The following CCZ1 variants were observed in gnomAD, a reference collection of about 807,000 sequenced individuals.
CCZ1 encodes CCZ1 vacuolar protein trafficking and biogenesis associated, also known as vacuolar fusion protein CCZ1 homolog.
A neutral mutation model predicts 57.8 loss-of-function variants in CCZ1; 19 were observed. The ratio of observed to expected loss-of-function variants is 0.33; its 90% CI spans 0.23 to 0.48. The LOEUF is 0.48. Ranked by LOEUF, CCZ1 falls within the 20% of genes least tolerant of loss-of-function variation. CCZ1 has a pLI of 0.99. For missense variants in CCZ1, 200 were observed against 492.0 expected (o/e 0.41, Z 5.61); for synonymous variants, 81 against 167.0 (o/e 0.49, Z 3.97).
Position 5,902,631 on chromosome 7 carries a change from T to A in CCZ1, c.439-30T>A, listed in dbSNP as rs755678390. The A allele has an allele frequency of 2.6e-5, 41 of 1,559,394 alleles. 1 individual carries two copies. The highest frequency in any genetic ancestry group is 3.5e-5 in the Non-Finnish European group (41 of 1,165,196). ...GAAAAAGTGAGCATAGGAAACTGATTTTTTTTCCTGCAATCTTTTACCTCA... is the reference window on the plus strand; with the variant it reads ...GAAAAAGTGAGCATAGGAAACTGATATTTTTTCCTGCAATCTTTTACCTCA... On this transcript the variant is annotated intron_variant, in intron 5 of 14. Coordinates refer to ENST00000325974, the MANE Select transcript of CCZ1 (RefSeq NM_015622.6).
At chr7:5,901,747 C>A (rs772003974) in intron 5 of CCZ1, 43 bp downstream of exon 5, 3 of 1,593,634 alleles carry the variant, frequency 1.9e-6, no homozygotes, top group Non-Finnish European at 2.6e-6. Context: ...CAGCCACTTA[C>A]CCCTATCTCT....
intron 7 of CCZ1, 120 bp from the exon 8 acceptor site, chr7:5,909,915 T>C (rs1583186236): frequency 1.4e-6 from 1 of 708,330 alleles, no homozygotes; most frequent in East Asian, 2.7e-5. Flanking sequence ...AGTTAGAATT[T>C]ATTCTGTGTT....
In CCZ1 at chr7:5,905,092, A is replaced by T; in HGVS notation, c.523-2A>T. The T allele has an allele frequency of 6.3e-7, 1 of 1,599,428 alleles. No homozygotes were observed. The highest frequency in any genetic ancestry group is 8.5e-7 in the Non-Finnish European group (1 of 1,178,050). On this transcript the variant is annotated splice_acceptor_variant, in intron 6 of 14. Coordinates refer to ENST00000325974, the MANE Select transcript of CCZ1 (RefSeq NM_015622.6). LOFTEE classifies it high-confidence loss of function. ...TTTTATGCCTTATTTTTTTTCCCAC[A>T]GTATTTGCAAACGCTACATTTGCAG...
intron 10 of CCZ1, among the ~76,000 whole-genome samples, chr7:5,916,739 C>T (rs1779157540): frequency 6.8e-6 from 1 of 146,120 alleles, no homozygotes; most frequent in Non-Finnish European, 1.5e-5. Flanking sequence ...CATGGCCAGC[C>T]TTAGTCTCCA....
chr7:5,925,747 C>CA lies in CCZ1; in HGVS notation c.*62dup. 1 of 1,301,636 alleles carries CA rather than the reference C, an allele frequency of 7.7e-7. No homozygotes were observed. 80.6% of individuals were successfully genotyped at this position (1,301,636 alleles called of 1,614,324 possible). A position where few individuals can be genotyped will look rare whatever the true frequency, so the allele number is the denominator to read the frequency against. On this transcript the variant is annotated 3_prime_UTR_variant, in exon 15 of 15. Coordinates refer to ENST00000325974, the MANE Select transcript of CCZ1 (RefSeq NM_015622.6). ...CACTCTGCAAACATTTGGTCACATG[C>CA]AAGTTAGTGGTCATATGACGGACTG...
intron 10 of CCZ1, among the ~76,000 whole-genome samples, chr7:5,915,519 G>A (rs1435159483): frequency 1.4e-5 from 2 of 146,002 alleles, no homozygotes; most frequent in Non-Finnish European, 3.0e-5. Flanking sequence ...ATGTTAAAGG[G>A]TCCTTACCTT....
intron 7 of CCZ1, among the ~76,000 whole-genome samples, chr7:5,908,531 A>G (rs2128612058): frequency 6.8e-6 from 1 of 147,956 alleles, no homozygotes; most frequent in East Asian, 2.2e-4. Context: ...GGTGTGTGCT[A>G]TCAGGCCTAG....
At chr7:5,908,904 A>G (rs1299809034) in intron 7 of CCZ1, among the ~76,000 whole-genome samples, 1 of 147,306 alleles carries the variant, frequency 6.8e-6, no homozygotes, top group East Asian at 2.2e-4. Context: ...ATTAAAATCC[A>G]TGTACATTTC....
chr7:5,905,859 GTTTT>G (rs202147219), intron 7 of CCZ1, among the ~76,000 whole-genome samples: 7 of 90,198 alleles, frequency 7.8e-5, no homozygotes, highest in Admixed American at 3.4e-4. Flanking sequence ...TTATTTTGGA[GTTTT>G]TTTTTTTTTC....
At chr7:5,914,597 A>C (rs376390954) in intron 10 of CCZ1, among the ~76,000 whole-genome samples, 2 of 149,158 alleles carry the variant, frequency 1.3e-5, no homozygotes, top group African/African-American at 5.0e-5. Context: ...GACATTAGCC[A>C]GGGCATGGTG....
chr7:5,904,088 A>ATTTTTTTT (rs746657675), intron 6 of CCZ1, among the ~76,000 whole-genome samples: 1 of 84,498 alleles, frequency 1.2e-5, no homozygotes, highest in Non-Finnish European at 2.1e-5. Context: ...CAGGGAGTTA[A>ATTTTTTTT]TTTTTTTTTT....
Position 5,902,580 on chromosome 7 carries a change from A to G in CCZ1, c.439-81A>G, listed in dbSNP as rs1781708843. On this transcript the variant is annotated intron_variant, in intron 5 of 14. Coordinates refer to ENST00000325974, the MANE Select transcript of CCZ1 (RefSeq NM_015622.6). ...ATTTAATGAGCTGAATTAATAATCT[A>G]AAGGAAAAAAAGAACTTGTTATACT... The G allele has an allele frequency of 2.0e-6, 3 of 1,475,510 alleles. No individual in the cohort carries two copies. The Admixed American group carries it at 7.3e-5, about 36-fold the overall frequency. The allele number at this position is 1,475,510 out of a possible 1,614,324, so 91.4% of individuals were successfully genotyped here. A position where few individuals can be genotyped will look rare whatever the true frequency, so the allele number is the denominator to read the frequency against.
At chr7:5,899,549 G>A (rs1781635451) in intron 1 of CCZ1, among the ~76,000 whole-genome samples, 1 of 134,108 alleles carries the variant, frequency 7.5e-6, no homozygotes, top group Admixed American at 7.3e-5. Context: ...CTTGAGGCCA[G>A]GGGTTCCAGA....
intron 10 of CCZ1, among the ~76,000 whole-genome samples, chr7:5,915,489 GTGA>G (rs1457677477): frequency 7.3e-6 from 1 of 137,782 alleles, no homozygotes; most frequent in Non-Finnish European, 1.6e-5. Flanking sequence ...ATTGTGGGGT[GTGA>G]TGATGGGATT....
intron 5 of CCZ1, chr7:5,902,390 G>A: frequency 2.8e-6 from 1 of 352,512 alleles, no homozygotes; most frequent in Non-Finnish European, 4.8e-6. Flanking sequence ...GTGATATTAT[G>A]TATGTAAATT....
At chr7:5,913,687 C>T in intron 10 of CCZ1, among the ~76,000 whole-genome samples, 1 of 147,160 alleles carries the variant, frequency 6.8e-6, no homozygotes, top group South Asian at 2.2e-4. Context: ...CCTGTGGAAG[C>T]CCAGAGAGGC....
chr7:5,924,403 C>T (rs1779314511), intron 14 of CCZ1, among the ~76,000 whole-genome samples: 1 of 92,734 alleles, frequency 1.1e-5, no homozygotes, highest in Non-Finnish European at 2.4e-5. Context: ...CCAGACCCAG[C>T]TAATTTCTTT....
chr7:5,906,690 A>G lies in CCZ1; in HGVS notation c.698+1421A>G, dbSNP rs1225751247. 4.0e-5 allele frequency among the ~76,000 whole-genome samples: 6 copies of G among 149,392 alleles called. No homozygotes were observed. In the South Asian group the frequency reaches 6.5e-4, roughly 16 times the overall value. ...TATAAGGTAAATTCAGCTAATAGAA[A>G]AGGCAAAACTAGTTCCCCTAAAATT... is the stretch of plus-strand genomic sequence containing the variant. On this transcript the variant is annotated intron_variant, in intron 7 of 14. Transcript: ENST00000325974.
Position 5,900,929 on chromosome 7 carries a change from G to T in CCZ1, c.387G>T (p.Leu129Phe), listed in dbSNP as rs754143473. The change falls in exon 4 of 15, where the codon TTG becomes TTT. Residue 129 changes from leucine to phenylalanine, a missense_variant. Leu to Phe is a conservative substitution (Grantham distance 22). Coordinates refer to ENST00000325974, the MANE Select transcript of CCZ1 (RefSeq NM_015622.6). ...TTATTGAATATCAAGAGGAGGAGTT[G>T]TTGGTAATGTGTCATTGTTTGTTTA... ...KPVIEYQEEE[L>F]LDKVYSSVLR... The T allele has an allele frequency of 7.2e-7, 1 of 1,383,068 alleles. No homozygotes were observed. The highest frequency in any genetic ancestry group is 1.3e-5 in the South Asian group (1 of 75,360). 85.7% of individuals were successfully genotyped at this position (1,383,068 alleles called of 1,614,324 possible).
Sources: allele counts gnomAD v4.1 joint callset (sites outside exome capture counted in the v4.1 genomes callset), GRCh38; gene constraint gnomAD v4.1.1; transcripts MANE v1.5; gene names NCBI Gene and HGNC (gene_info 2026-07-23, HGNC 2026-07-21).